Variants in CNTN4 observed in about 807,000 individuals in gnomAD.
CNTN4 encodes contactin 4, also known as contactin-4.
A neutral mutation model predicts 122.5 loss-of-function variants in CNTN4; 77 were observed. The observed-to-expected ratio is 0.63, with a 90% CI of 0.52 to 0.76. CNTN4 has a LOEUF of 0.76. Ranked by LOEUF, CNTN4 falls within the 30% of genes least tolerant of loss-of-function variation. The probability of loss-of-function intolerance (pLI) is 0.00; values close to 1 mark genes in which losing one functional copy is unlikely to be tolerated. For synonymous variants in CNTN4, 512 were observed against 447.0 expected (o/e 1.15, Z -1.83); for missense variants, 1,256 against 1,259.1 (o/e 1.00, Z 0.04).
At chr3:2,449,659 C>T (rs909224375) in intron 3 of CNTN4, among the ~76,000 whole-genome samples, 6 of 151,238 alleles carry the variant, frequency 4.0e-5, no homozygotes, top group African/African-American at 1.2e-4. Context: ...TCTTTGAGAT[C>T]CTGATTTCAA....
chr3:2,400,950 C>G (rs969793297), intron 3 of CNTN4, among the ~76,000 whole-genome samples: 2 of 148,862 alleles, frequency 1.3e-5, no homozygotes, highest in Non-Finnish European at 3.0e-5. Flanking sequence ...TCTTAGACTT[C>G]TTATAGGATA....
intron 13 of CNTN4, among the ~76,000 whole-genome samples, chr3:2,942,063 G>A (rs2094621470): frequency 6.6e-6 from 1 of 152,108 alleles, no homozygotes; most frequent in African/African-American, 2.4e-5. Context: ...TGGCCTGTAA[G>A]CTGTGTGAGG....
intron 3 of CNTN4, among the ~76,000 whole-genome samples, chr3:2,404,251 T>G (rs1396736687): frequency 6.6e-6 from 1 of 152,178 alleles, no homozygotes; most frequent in South Asian, 2.1e-4. Context: ...GGATCTCTGC[T>G]TAGGGTCTCA....
At chr3:2,905,649 A>T (rs916407247) in intron 12 of CNTN4, among the ~76,000 whole-genome samples, 1 of 152,240 alleles carries the variant, frequency 6.6e-6, no homozygotes, top group African/African-American at 2.4e-5. Context: ...ATAAAATGAA[A>T]ATGCCTGAGA....
intron 4 of CNTN4, among the ~76,000 whole-genome samples, chr3:2,632,045 T>A (rs2082463021): frequency 6.8e-6 from 1 of 148,140 alleles, no homozygotes; most frequent in South Asian, 2.2e-4. Context: ...AGCAAGACCC[T>A]GTCTCAAAAT....
At chr3:2,224,718 A>G (rs2039200528) in intron 2 of CNTN4, among the ~76,000 whole-genome samples, 2 of 152,296 alleles carry the variant, frequency 1.3e-5, no homozygotes, top group South Asian at 4.1e-4. Context: ...ATGTGCAGTA[A>G]ATGTTAAGAT....
intron 2 of CNTN4, among the ~76,000 whole-genome samples, chr3:2,158,440 AT>A (rs1384515385): frequency 6.6e-6 from 1 of 152,222 alleles, no homozygotes; most frequent in Non-Finnish European, 1.5e-5. Context: ...TGGTAAAAGA[AT>A]TATGGGGGAC....
At chr3:2,860,709 C>G (rs2093662451) in intron 7 of CNTN4, among the ~76,000 whole-genome samples, 1 of 151,930 alleles carries the variant, frequency 6.6e-6, no homozygotes, top group African/African-American at 2.4e-5. Context: ...TCACATATGA[C>G]TTTATATTTA....
At chr3:2,133,831 T>C (rs957934301) in intron 2 of CNTN4, among the ~76,000 whole-genome samples, 2 of 152,202 alleles carry the variant, frequency 1.3e-5, no homozygotes, top group African/African-American at 4.8e-5. Context: ...TATCACTGGC[T>C]AGGTCCTTTA....
chr3:2,366,420 C>A lies in CNTN4; in HGVS notation c.-89+27187C>A, dbSNP rs1223221750. 2.6e-5 allele frequency among the ~76,000 whole-genome samples: 4 copies of A among 152,010 alleles called. No homozygotes were observed. The East Asian group carries it at 7.7e-4, about 29-fold the overall frequency. The stretch of plus-strand genomic sequence containing the variant: ...ATTCATGATAATACTTTTCTAATTA[C>A]AATTTTCCTCTTTGTTAAAAAATAA... On this transcript the variant is annotated intron_variant, in intron 3 of 24. Coordinates refer to ENST00000418658, the MANE Select transcript of CNTN4 (RefSeq NM_175607.3).
At chr3:2,727,232 C>T (rs2088293636) in intron 4 of CNTN4, among the ~76,000 whole-genome samples, 1 of 152,114 alleles carries the variant, frequency 6.6e-6, no homozygotes, top group South Asian at 2.1e-4. Context: ...ACAAAACATG[C>T]CCAGTGTTAC....
intron 2 of CNTN4, among the ~76,000 whole-genome samples, chr3:2,144,517 A>AAAAGG (rs2035151973): frequency 6.6e-6 from 1 of 152,184 alleles, no homozygotes; most frequent in South Asian, 2.1e-4. Context: ...CACACAGATC[A>AAAAGG]AGGGGTTCAG....
At chr3:2,180,002 A>G (rs1379500640) in intron 2 of CNTN4, among the ~76,000 whole-genome samples, 1 of 151,266 alleles carries the variant, frequency 6.6e-6, no homozygotes, top group Non-Finnish European at 1.5e-5. Context: ...GCACATCTCA[A>G]TTCAGATGAG....
At chr3:2,682,146 A>T (rs547679979) in intron 4 of CNTN4, among the ~76,000 whole-genome samples, 2 of 152,216 alleles carry the variant, frequency 1.3e-5, no homozygotes, top group African/African-American at 4.8e-5. Context: ...GTTAAAGAAC[A>T]TGAGTACCTG....
intron 4 of CNTN4, among the ~76,000 whole-genome samples, chr3:2,672,409 G>A (rs910007628): frequency 9.9e-5 from 15 of 152,168 alleles, no homozygotes; most frequent in African/African-American, 3.4e-4. Context: ...AGGACCCTCC[G>A]AGCCATGCGC....
chr3:2,136,770 A>T (rs2034712640), intron 2 of CNTN4, among the ~76,000 whole-genome samples: 1 of 152,108 alleles, frequency 6.6e-6, no homozygotes, highest in African/African-American at 2.4e-5. Context: ...TTGTAATTAC[A>T]GATACCACTC....
At chr3:2,103,109 C>T (rs948701232) in intron 2 of CNTN4, among the ~76,000 whole-genome samples, 1 of 151,766 alleles carries the variant, frequency 6.6e-6, no homozygotes, top group Admixed American at 6.6e-5. Flanking sequence ...GTTATTTGTT[C>T]ATCATAGCTA....
At chr3:3,052,940 G>A (rs1701408852) in intron 23 of CNTN4, among the ~76,000 whole-genome samples, 1 of 152,186 alleles carries the variant, frequency 6.6e-6, no homozygotes. Context: ...CCTTTGCCAT[G>A]TATGTTCTCT....
At chr3:2,995,127 C>T (rs964050684) in intron 14 of CNTN4, among the ~76,000 whole-genome samples, 4 of 152,048 alleles carry the variant, frequency 2.6e-5, no homozygotes, top group Non-Finnish European at 5.9e-5. Flanking sequence ...CTGGCCAGAA[C>T]ATTTCAATAC....
Sources: gnomAD v4.1 joint callset for allele counts (sites outside exome capture counted in the v4.1 genomes callset) on GRCh38, gnomAD v4.1.1 for gene constraint, MANE v1.5 for transcripts, NCBI Gene and HGNC (gene_info 2026-07-23, HGNC 2026-07-21) for gene names.